Variants in IFT80 observed in about 807,000 individuals in gnomAD.
IFT80 encodes intraflagellar transport protein 80 homolog.
Under a neutral mutation model 107.9 loss-of-function variants are expected in IFT80, and 79 were observed. The ratio of observed to expected loss-of-function variants is 0.73; its 90% confidence interval spans 0.61 to 0.88. IFT80 has a LOEUF of 0.88. Ranked by LOEUF, IFT80 falls within the 40% of genes least tolerant of loss-of-function variation. The pLI is 0.00. For synonymous variants in IFT80, 299 were observed against 300.9 expected (o/e 0.99, Z 0.07); for missense variants, 797 against 914.2 (o/e 0.87, Z 1.65).
rs1713152666 is a variant in IFT80 at position 160,264,709 on chromosome 3, G to C, written c.2223+3704C>G. On this transcript the variant is annotated intron_variant, in intron 19 of 19. Coordinates refer to ENST00000326448, the MANE Select transcript of IFT80 (RefSeq NM_020800.3). Reference sequence around the variant, plus strand: ...CCCATCTCAGCCTCCCAAAGTGCTGGGATTATGGGTGTGAGCCACCGCACC... The same window carrying C: ...CCCATCTCAGCCTCCCAAAGTGCTGCGATTATGGGTGTGAGCCACCGCACC... Among the ~76,000 whole-genome samples, 3 of 151,792 alleles carry C rather than the reference G, an allele frequency of 2.0e-5. No individual in the cohort carries two copies. The South Asian group carries it at 6.2e-4, about 32-fold the overall frequency.
chr3:160,389,261 T>C (rs1324147993), intron 1 of IFT80, among the ~76,000 whole-genome samples: 1 of 152,192 alleles, frequency 6.6e-6, no homozygotes, highest in Non-Finnish European at 1.5e-5. Context: ...CTCATAATGA[T>C]TTTCAGTCAT....
At chr3:160,293,091 T>A (rs2108255038) in intron 12 of IFT80, among the ~76,000 whole-genome samples, 1 of 152,252 alleles carries the variant, frequency 6.6e-6, no homozygotes, top group Middle Eastern at 3.4e-3. Flanking sequence ...AGTAAAGAAA[T>A]GAATAAATGG....
intron 6 of IFT80, among the ~76,000 whole-genome samples, chr3:160,365,019 AAAAC>A (rs1201440496): frequency 6.6e-6 from 1 of 152,044 alleles, no homozygotes; most frequent in Non-Finnish European, 1.5e-5. Context: ...AAAAGAAAAA[AAAAC>A]AAATTCACAT....
intron 6 of IFT80, among the ~76,000 whole-genome samples, chr3:160,358,031 G>A (rs1042014992): frequency 2.0e-5 from 3 of 151,706 alleles, no homozygotes; most frequent in African/African-American, 7.3e-5. Context: ...TTATTTTTGA[G>A]ACAGGGTCTC....
intron 1 of IFT80, among the ~76,000 whole-genome samples, chr3:160,390,685 G>A (rs1433199323): frequency 6.6e-6 from 1 of 152,100 alleles, no homozygotes; most frequent in Non-Finnish European, 1.5e-5. Flanking sequence ...CTATACATCT[G>A]GCCACCTAGA....
At chr3:160,332,367 C>T (rs1260851449) in intron 8 of IFT80, among the ~76,000 whole-genome samples, 1 of 152,034 alleles carries the variant, frequency 6.6e-6, no homozygotes, top group Non-Finnish European at 1.5e-5. Context: ...GAGGGTGAAA[C>T]CTTTGGGTGG....
intron 14 of IFT80, among the ~76,000 whole-genome samples, chr3:160,281,585 T>A (rs1021410504): frequency 6.6e-6 from 1 of 152,102 alleles, no homozygotes; most frequent in Admixed American, 6.6e-5. Flanking sequence ...AGTCTCTCAA[T>A]ATAAACACTG....
Position 160,268,393 on chromosome 3 carries a change from C to T in IFT80, c.2223+20G>A, listed in dbSNP as rs115849906. 1.9e-6 allele frequency: 3 copies of T among 1,597,112 alleles called. No homozygotes were observed. The Admixed American group carries it at 5.0e-5, about 27-fold the overall frequency. Reference sequence around the variant, plus strand: ...CTTATAAAGCATATGTATTATTATACAAAATTGTGAAATACTTACACCTTC... The same window carrying T: ...CTTATAAAGCATATGTATTATTATATAAAATTGTGAAATACTTACACCTTC... On this transcript the variant is annotated intron_variant, in intron 19 of 19. Coordinates refer to ENST00000326448, the MANE Select transcript of IFT80 (RefSeq NM_020800.3).
At chr3:160,279,614 T>C (rs1032173287) in intron 15 of IFT80, among the ~76,000 whole-genome samples, 1 of 152,226 alleles carries the variant, frequency 6.6e-6, no homozygotes, top group Non-Finnish European at 1.5e-5. Context: ...CTATATAAAG[T>C]AGCAAAAATT....
At chr3:160,323,752 G>C (rs1718459550) in intron 8 of IFT80, among the ~76,000 whole-genome samples, 1 of 151,952 alleles carries the variant, frequency 6.6e-6, no homozygotes, top group Non-Finnish European at 1.5e-5. Context: ...TCAAAAGCTA[G>C]CAGAAGGCAA....
intron 19 of IFT80, among the ~76,000 whole-genome samples, chr3:160,262,701 T>G (rs900303522): frequency 1.3e-5 from 2 of 152,118 alleles, no homozygotes; most frequent in African/African-American, 2.4e-5. Flanking sequence ...AAAGGAGAAT[T>G]TATATTTTGT....
chr3:160,362,132 A>T (rs931722241), intron 6 of IFT80, among the ~76,000 whole-genome samples: 31 of 152,218 alleles, frequency 2.0e-4, no homozygotes, highest in African/African-American at 7.5e-4. Context: ...GACCACTAGC[A>T]AGACTAATAA....
At chr3:160,395,036 T>A (rs534645140) in intron 1 of IFT80, among the ~76,000 whole-genome samples, 1 of 152,192 alleles carries the variant, frequency 6.6e-6, no homozygotes, top group African/African-American at 2.4e-5. Flanking sequence ...CTGTTTGAAG[T>A]TTTCAACAAT....
intron 4 of IFT80, among the ~76,000 whole-genome samples, chr3:160,376,388 T>C (rs570012409): frequency 1.2e-4 from 18 of 152,272 alleles, no homozygotes; most frequent in African/African-American, 4.1e-4. Context: ...GGATTTCTAT[T>C]TCTTCTTAAT....
chr3:160,293,114 G>A (rs893339570), intron 12 of IFT80, among the ~76,000 whole-genome samples: 3 of 152,196 alleles, frequency 2.0e-5, no homozygotes, highest in Non-Finnish European at 2.9e-5. Context: ...TATGCAATAA[G>A]TAAAATATTA....
chr3:160,306,271 T>C (rs1716822083), intron 10 of IFT80, among the ~76,000 whole-genome samples: 1 of 152,150 alleles, frequency 6.6e-6, no homozygotes, highest in South Asian at 2.1e-4. Context: ...ACTTCTCTAA[T>C]ACATGTAACA....
intron 13 of IFT80, 119 bp downstream of exon 13, chr3:160,285,685 C>T (rs1715038144): frequency 1.4e-6 from 1 of 715,464 alleles, no homozygotes; most frequent in Non-Finnish European, 2.4e-6. Flanking sequence ...GGAGAATGCA[C>T]ATTGATTTTA....
intron 3 of IFT80, 52 bp from the exon 4 acceptor site, chr3:160,377,592 C>G (rs1168732545): frequency 2.9e-6 from 3 of 1,046,482 alleles, no homozygotes; most frequent in Non-Finnish European, 4.5e-6. Flanking sequence ...ATCAACAAAG[C>G]ACCTACTACT....
intron 3 of IFT80, among the ~76,000 whole-genome samples, chr3:160,378,646 TA>T (rs1207733984): frequency 5.2e-4 from 76 of 144,788 alleles, no homozygotes; most frequent in Middle Eastern, 7.0e-3. Context: ...ATATAAAATT[TA>T]AAAAAAAAAA....
Sources: allele counts gnomAD v4.1 joint callset (sites outside exome capture counted in the v4.1 genomes callset), GRCh38; gene constraint gnomAD v4.1.1; transcripts MANE v1.5; gene names NCBI Gene and HGNC (gene_info 2026-07-23, HGNC 2026-07-21).